The following CADM2 variants were observed in gnomAD, a reference collection of about 807,000 sequenced individuals.
CADM2 encodes the protein immunoglobulin superfamily member 4D.
Under a neutral mutation model 49.8 loss-of-function variants are expected in CADM2, and 12 were observed. That is an observed-to-expected ratio of 0.24 (90% confidence interval 0.15 to 0.39). The LOEUF is 0.39. Ranked by LOEUF, CADM2 falls within the 10% of genes least tolerant of loss-of-function variation. CADM2 has a pLI of 1.00. For missense variants in CADM2, 378 were observed against 492.3 expected, an observed-to-expected ratio of 0.77 and a Z score of 2.20; for synonymous variants, 214 against 175.4, an observed-to-expected ratio of 1.22 and a Z score of -1.74.
intron 8 of CADM2, among the ~76,000 whole-genome samples, chr3:86,033,752 A>AAT (rs1207610582): frequency 4.0e-4 from 58 of 145,762 alleles, no homozygotes; most frequent in South Asian, 1.1e-3. Context: ...CCCATAAAGA[A>AAT]ATATATATAT....
At chr3:84,971,510 A>T (rs1340228298) in intron 1 of CADM2, among the ~76,000 whole-genome samples, 1 of 152,154 alleles carries the variant, frequency 6.6e-6, no homozygotes, top group Non-Finnish European at 1.5e-5. Flanking sequence ...ATATCATTTC[A>T]TTTCCATGAA....
At chr3:85,651,999 A>ATTTTTTTT (rs2065056839) in intron 1 of CADM2, among the ~76,000 whole-genome samples, 1 of 23,688 alleles carries the variant, frequency 4.2e-5, no homozygotes, top group Non-Finnish European at 9.9e-5. Flanking sequence ...TTTTTTTTTA[A>ATTTTTTTT]TTAGAGACGG....
intron 8 of CADM2, among the ~76,000 whole-genome samples, chr3:86,040,113 A>C (rs900228780): frequency 2.6e-5 from 4 of 152,180 alleles, no homozygotes; most frequent in African/African-American, 9.6e-5. Context: ...CAAAGGTAGA[A>C]AAAACCACAA....
chr3:85,641,121 A>G (rs116280382), intron 1 of CADM2, among the ~76,000 whole-genome samples: 10 of 152,150 alleles, frequency 6.6e-5, no homozygotes, highest in Admixed American at 6.5e-4. Flanking sequence ...TGTCACAAAC[A>G]TGTTATTGTT....
chr3:85,089,378 A>C (rs956596566), intron 1 of CADM2, among the ~76,000 whole-genome samples: 1 of 152,094 alleles, frequency 6.6e-6, no homozygotes, highest in Non-Finnish European at 1.5e-5. Context: ...AACTACAATG[A>C]AGTAATTTGA....
chr3:85,573,503 A>C (rs1192123875), intron 1 of CADM2, among the ~76,000 whole-genome samples: 4 of 152,088 alleles, frequency 2.6e-5, no homozygotes, highest in Non-Finnish European at 4.4e-5. Context: ...CTCCCAGCCT[A>C]TATATAAAAG....
At chr3:85,004,919 G>A (rs2033650854) in intron 1 of CADM2, among the ~76,000 whole-genome samples, 1 of 152,108 alleles carries the variant, frequency 6.6e-6, no homozygotes, top group Non-Finnish European at 1.5e-5. Flanking sequence ...CTGATGTCCA[G>A]AAAAGGAAGA....
intron 1 of CADM2, among the ~76,000 whole-genome samples, chr3:85,322,594 T>G (rs2044643120): frequency 6.6e-6 from 1 of 152,226 alleles, no homozygotes; most frequent in Non-Finnish European, 1.5e-5. Context: ...GTTTAAAGTG[T>G]AAATAAATAA....
chr3:85,761,367 C>CATTTTTTTTTTTTTT (rs1435295947), intron 2 of CADM2, among the ~76,000 whole-genome samples: 1 of 101,090 alleles, frequency 9.9e-6, no homozygotes. Context: ...CAACACAAAA[C>CATTTTTTTTTTTTTT]TTTTTTTTTT....
chr3:84,996,349 A>G (rs980538355), intron 1 of CADM2, among the ~76,000 whole-genome samples: 2 of 152,100 alleles, frequency 1.3e-5, no homozygotes, highest in East Asian at 1.9e-4. Context: ...AAATTAGTGT[A>G]CTTATTTCTC....
At chr3:85,302,146 T>A (rs1461910177) in intron 1 of CADM2, among the ~76,000 whole-genome samples, 3 of 152,070 alleles carry the variant, frequency 2.0e-5, no homozygotes, top group Admixed American at 2.0e-4. Context: ...TTTGCCTCTA[T>A]GTTCCAATCA....
chr3:85,395,016 G>A (rs1440206871), intron 1 of CADM2, among the ~76,000 whole-genome samples: 1 of 152,006 alleles, frequency 6.6e-6, no homozygotes, highest in Non-Finnish European at 1.5e-5. Context: ...AGGAAAATAA[G>A]CAGTTTTTTG....
intron 1 of CADM2, among the ~76,000 whole-genome samples, chr3:85,705,466 T>A (rs1304921033): frequency 1.3e-5 from 2 of 152,196 alleles, no homozygotes; most frequent in African/African-American, 2.4e-5. Flanking sequence ...TGAATGCTTA[T>A]AGTGAGTAGA....
At position 85,278,870 on chromosome 3, in the gene CADM2, T is replaced by C. The variant is rs1346898861; in HGVS notation, c.61+319202T>C. Among the ~76,000 whole-genome samples the C allele has an allele frequency of 1.3e-4, 20 of 151,418 alleles. No individual in the cohort carries two copies. In the Admixed American group the frequency reaches 1.3e-3, roughly 10 times the overall value. ...TCTTGGGAATGTTTCTGACTTAATT[T>C]AGACAGATTAACAATTCTAGTTATG... On this transcript the variant is annotated intron_variant, in intron 1 of 9. Coordinates refer to ENST00000383699, the MANE Select transcript of CADM2 (RefSeq NM_001167675.2).
chr3:85,766,153 T>G (rs906135792), intron 2 of CADM2, among the ~76,000 whole-genome samples: 1 of 152,102 alleles, frequency 6.6e-6, no homozygotes, highest in East Asian at 1.9e-4. Context: ...GGGCAATGCC[T>G]GTATTAATTG....
intron 2 of CADM2, among the ~76,000 whole-genome samples, chr3:85,751,270 A>G (rs1182994911): frequency 1.3e-5 from 2 of 152,166 alleles, no homozygotes; most frequent in Non-Finnish European, 2.9e-5. Flanking sequence ...ATGTCTGAAC[A>G]TGAAGCAAAC....
intron 6 of CADM2, among the ~76,000 whole-genome samples, chr3:85,932,424 A>G (rs1274385151): frequency 6.6e-6 from 1 of 152,206 alleles, no homozygotes; most frequent in Non-Finnish European, 1.5e-5. Flanking sequence ...ATATAAATCC[A>G]TGAGTGATTG....
chr3:85,031,407 T>C (rs953897620), intron 1 of CADM2, among the ~76,000 whole-genome samples: 1 of 152,208 alleles, frequency 6.6e-6, no homozygotes, highest in Non-Finnish European at 1.5e-5. Flanking sequence ...TCTCAGCAAC[T>C]TGTGGATCCT....
At chr3:85,961,244 C>T (rs1398937907) in intron 7 of CADM2, among the ~76,000 whole-genome samples, 1 of 151,380 alleles carries the variant, frequency 6.6e-6, no homozygotes. Context: ...ACAAATTAGT[C>T]TCTGAATACA....
Sources: gnomAD v4.1 joint callset for allele counts (sites outside exome capture counted in the v4.1 genomes callset) on GRCh38, gnomAD v4.1.1 for gene constraint, MANE v1.5 for transcripts, NCBI Gene and HGNC (gene_info 2026-07-23, HGNC 2026-07-21) for gene names.